Variants in SAFB2 observed in about 807,000 individuals in gnomAD.
The protein encoded by SAFB2 is scaffold attachment factor B2.
In SAFB2, 32 loss-of-function variants were observed where a neutral mutation model predicts 100.6. The ratio of observed to expected loss-of-function variants is 0.32; its 90% CI spans 0.24 to 0.43. The LOEUF (loss-of-function observed/expected upper bound fraction) is 0.43. SAFB2 is among the 20% of genes least tolerant of loss of function. The pLI, the probability that SAFB2 is intolerant of heterozygous loss-of-function variation, is 1.00. For synonymous variants in SAFB2, 500 were observed against 439.4 expected, an observed-to-expected ratio of 1.14 and a Z score of -1.72; for missense variants, 1,185 against 1,163.4, an observed-to-expected ratio of 1.02 and a Z score of -0.27.
chr19:5,599,504 C>G lies in SAFB2; in HGVS notation c.1691-620G>C, dbSNP rs739942. Reference sequence around the variant, plus strand: ...ATTAGCCCGAGAGCTGAAGATCCAGCTTGTAATGTGCTGTACCAAATTTCA... The same window carrying G: ...ATTAGCCCGAGAGCTGAAGATCCAGGTTGTAATGTGCTGTACCAAATTTCA... On this transcript the variant is annotated intron_variant, in intron 12 of 20. Coordinates refer to ENST00000252542, the MANE Select transcript of SAFB2 (RefSeq NM_014649.3). Among the ~76,000 whole-genome samples the G allele has an allele frequency of 2.3e-3, 347 of 152,320 alleles. 1 individual carries two copies. Among genetic ancestry groups the G allele is most frequent in the Non-Finnish European group, 4.3e-3 (293 of 68,022 alleles).
In SAFB2 at chr19:5,622,597, G is replaced by C; in HGVS notation, c.119C>G (p.Ala40Gly). The change falls in exon 1 of 21, where the codon GCG becomes GGG. Residue 40 changes from alanine (A) to glycine (G), a missense_variant. By Grantham distance (60) the Ala-to-Gly change is moderately conservative (BLOSUM62 0). This residue lies in a region of SAFB2 where 351 missense variants were observed against 341.2 expected (regional missense o/e 1.03). Transcript: ENST00000252542. The part of the protein sequence containing the change: ...LSELRVIDLR[A>G]ELKKRNLDTG... Reference sequence around the variant, plus strand: ...GTCCAGGTTCCGCTTCTTCAGCTCCGCCCGCAGATCGATCACCCGCAGCTC... The same window carrying C: ...GTCCAGGTTCCGCTTCTTCAGCTCCCCCCGCAGATCGATCACCCGCAGCTC... The C allele has an allele frequency of 6.2e-7, 1 of 1,613,340 alleles. No individual in the cohort carries two copies. The highest frequency in any genetic ancestry group is 8.5e-7 in the Non-Finnish European group (1 of 1,179,790).
intron 9 of SAFB2, among the ~76,000 whole-genome samples, chr19:5,608,940 C>T (rs192769999): frequency 1.7e-3 from 263 of 151,020 alleles, no homozygotes; most frequent in Non-Finnish European, 2.9e-3. Context: ...CCCAGCTACT[C>T]GAGAAGCTAA....
rs2052280986 is a variant in SAFB2, at chr19:5,587,460, T to C, written c.2706-61A>G. The C allele has an allele frequency of 2.6e-6, 4 of 1,548,704 alleles. No homozygotes were observed. Among genetic ancestry groups the C allele is most frequent in the Admixed American group, 1.9e-5 (1 of 51,452 alleles). ...AGTGCTCAGCGTTTTCATCGTAACA[T>C]GGGTTCAGTAACGGTCCCGCAGCCT... On this transcript the variant is annotated intron_variant, in intron 20 of 20. Transcript: ENST00000252542. The surrounding 1 kb of genome is among the most constrained non-coding windows in gnomAD (Gnocchi z 4.9).
At position 5,612,521 on chromosome 19, in the gene SAFB2, G is replaced by A. The variant is rs772187703; in HGVS notation, c.634+19C>T. 15 of 1,607,820 alleles carry A rather than the reference G, an allele frequency of 9.3e-6. No individual in the cohort carries two copies. The highest frequency in any genetic ancestry group is 1.7e-4 in the Middle Eastern group (1 of 6,052). On this transcript the variant is annotated intron_variant, in intron 6 of 20. Transcript: ENST00000252542. The stretch of plus-strand genomic sequence containing the variant: ...TGAAAACTTTCAAACCATAACTGTC[G>A]TGTTTCTCTTATCAGTACCTGGCTC...
chr19:5,617,603 G>A (rs539137969), intron 2 of SAFB2, among the ~76,000 whole-genome samples: 3 of 152,088 alleles, frequency 2.0e-5, no homozygotes, highest in African/African-American at 4.8e-5. Context: ...GTTCACAACC[G>A]GGGGGAATGG....
Position 5,610,643 on chromosome 19 carries a change from T to C in SAFB2, c.1191A>G (p.Glu397=), listed in dbSNP as rs200385390. ...EKDIKPIIKD[E]KGRVGSGSGR... Reference sequence around the variant, plus strand: ...CCACGTTAAATTAAATCATACCTTTTTCATCTTTAATGATTGGCTTTATAT... The same window carrying C: ...CCACGTTAAATTAAATCATACCTTTCTCATCTTTAATGATTGGCTTTATAT... Residue 397 remains glutamate, a synonymous_variant, in exon 8 of 21, where the codon GAA becomes GAG. Coordinates refer to ENST00000252542, the MANE Select transcript of SAFB2 (RefSeq NM_014649.3). 428 of 1,570,474 alleles carry C rather than the reference T, an allele frequency of 2.7e-4. 8 individuals carry two copies. The South Asian group carries it at 4.5e-3, about 17-fold the overall frequency.
rs746156465 is a variant in SAFB2 at position 5,595,346 on chromosome 19, C to T, written c.1919+15G>A. The T allele has an allele frequency of 8.1e-6, 13 of 1,606,402 alleles. No homozygotes were observed. The South Asian group carries it at 8.8e-5, about 11-fold the overall frequency. ...AGGAAACCACCAGCCCACAGCCTCACCCAGCTCCACTCACCGCCGCCTCTC... is the reference window on the plus strand; with the variant it reads ...AGGAAACCACCAGCCCACAGCCTCATCCAGCTCCACTCACCGCCGCCTCTC... On this transcript the variant is annotated intron_variant, in intron 14 of 20. Coordinates refer to ENST00000252542, the MANE Select transcript of SAFB2 (RefSeq NM_014649.3).
At chr19:5,614,159 TC>T (rs1321555478) in intron 4 of SAFB2, among the ~76,000 whole-genome samples, 5 of 152,108 alleles carry the variant, frequency 3.3e-5, no homozygotes. Context: ...TTTCACCATG[TC>T]CAGGCTGGTC....
At chr19:5,601,831 AT>A (rs1314349985) in intron 11 of SAFB2, among the ~76,000 whole-genome samples, 1 of 152,230 alleles carries the variant, frequency 6.6e-6, no homozygotes, top group South Asian at 2.1e-4. Flanking sequence ...TTCTGTGTTT[AT>A]TCATCTGCTT....
At position 5,587,177 on chromosome 19, in the gene SAFB2, G is replaced by C. The variant is rs961424957; in HGVS notation, c.*66C>G. 2 of 1,583,122 alleles carry C rather than the reference G, an allele frequency of 1.3e-6. No individual in the cohort carries two copies. Among genetic ancestry groups the C allele is most frequent in the Non-Finnish European group, 1.7e-6 (2 of 1,157,604 alleles). On this transcript the variant is annotated 3_prime_UTR_variant, in exon 21 of 21. Coordinates refer to ENST00000252542, the MANE Select transcript of SAFB2 (RefSeq NM_014649.3). The surrounding 1 kb of genome is among the most constrained non-coding windows in gnomAD (Gnocchi z 4.9). ...GCTTTTAAAAAGATCCCCCAAGTTCGAGGGAACCCTGGCTACCAGATTCAA... is the reference window on the plus strand; with the variant it reads ...GCTTTTAAAAAGATCCCCCAAGTTCCAGGGAACCCTGGCTACCAGATTCAA...
intron 17 of SAFB2, chr19:5,591,245 G>A (rs918917405): frequency 1.1e-4 from 16 of 150,758 alleles, no homozygotes; most frequent in African/African-American, 3.9e-4. Context: ...AGAAACTTGA[G>A]CATTACAAAA....
chr19:5,587,534 A>G lies in SAFB2; in HGVS notation c.2706-135T>C, dbSNP rs2145308176. On this transcript the variant is annotated intron_variant, in intron 20 of 20. Transcript: ENST00000252542. The surrounding 1 kb of genome is among the most constrained non-coding windows in gnomAD (Gnocchi z 4.9). ...CAGGTGAGAAAAATCATCATCGCAC[A>G]TTGTATTCCAGGTAACTCAAGAGCG... The G allele has an allele frequency of 6.8e-7, 1 of 1,470,474 alleles. No homozygotes were observed. The highest frequency in any genetic ancestry group is 9.0e-7 in the Non-Finnish European group (1 of 1,105,130). The allele number at this position is 1,470,474 out of a possible 1,614,324, so 91.1% of individuals were successfully genotyped here.
intron 9 of SAFB2, among the ~76,000 whole-genome samples, chr19:5,609,051 C>CAAAAAAAAAAAAAAAAAAAA (rs60419324): frequency 8.3e-5 from 6 of 72,694 alleles, no homozygotes; most frequent in South Asian, 5.7e-4. Flanking sequence ...GACGCAGTCT[C>CAAAAAAAAAAAAAAAAAAAA]AAAAAAAAAA....
rs769071549 is a variant in SAFB2, at chr19:5,590,322, G to C, written c.2481C>G (p.Ser827=). 1 of 1,608,782 alleles carries C rather than the reference G, an allele frequency of 6.2e-7. No individual in the cohort carries two copies. The highest frequency in any genetic ancestry group is 1.3e-5 in the African/African-American group (1 of 74,864). The stretch of plus-strand genomic sequence containing the variant: ...CCCGGCCTTCACTCAGCCTCTTGTC[G>C]GAGCCGTAGCCCCCCCAGCCATCAC... ...DSRDGWGGYG[S]DKRLSEGRGL... Residue 827 remains serine (S), a synonymous_variant, in exon 18 of 21, where the codon TCC becomes TCG. Coordinates refer to ENST00000252542, the MANE Select transcript of SAFB2 (RefSeq NM_014649.3).
chr19:5,592,639 G>A (rs1265431185), intron 16 of SAFB2, 108 bp downstream of exon 16: 29 of 1,271,348 alleles, frequency 2.3e-5, no homozygotes, highest in African/African-American at 3.0e-5. Flanking sequence ...AGAAGTAAAC[G>A]AGGCTTCAGA....
intron 9 of SAFB2, among the ~76,000 whole-genome samples, chr19:5,606,012 C>T (rs117388146): frequency 6.6e-6 from 1 of 152,294 alleles, no homozygotes; most frequent in East Asian, 1.9e-4. Flanking sequence ...GAGGCTGGGA[C>T]AGCACCACCC....
Position 5,611,384 on chromosome 19 carries a change from C to G in SAFB2, c.881G>C (p.Arg294Thr), listed in dbSNP as rs1243829464. 1 of 354,150 alleles carries G rather than the reference C, an allele frequency of 2.8e-6. No homozygotes were observed. Among genetic ancestry groups the G allele is most frequent in the African/African-American group, 9.0e-5 (1 of 11,084 alleles). 21.9% of individuals were successfully genotyped at this position (354,150 alleles called of 1,614,324 possible). A position where few individuals can be genotyped will look rare whatever the true frequency, so the allele number is the denominator to read the frequency against. ...KADSLLAVVKREPAEQPGDGE... is the reference protein window; with the variant it reads ...KADSLLAVVKTEPAEQPGDGE... ...ATCGCCTGGCTGCTCCGCGGGCTCC[C>G]TTTTCACTACCGCTAACAGGCTGTC... The change falls in exon 7 of 21, where the codon AGG becomes ACG. Residue 294 changes from arginine (R) to threonine (T), a missense_variant. Around this residue, in one of 3 missense-constraint regions of SAFB2, gnomAD observed 351 missense variants for 341.2 expected, o/e 1.03. Coordinates refer to ENST00000252542, the MANE Select transcript of SAFB2 (RefSeq NM_014649.3).
rs1195235680 is a variant in SAFB2, at chr19:5,622,763, G to C, written c.-48C>G. On this transcript the variant is annotated 5_prime_UTR_variant, in exon 1 of 21. Transcript: ENST00000252542. ...CCGACTCAGTCGCACACCGCCGGCA[G>C]CTATAGCGGCTCTGAACACAAAATG... 5 of 1,549,290 alleles carry C rather than the reference G, an allele frequency of 3.2e-6. No homozygotes were observed. Among genetic ancestry groups the C allele is most frequent in the Non-Finnish European group, 4.3e-6 (5 of 1,151,484 alleles).
At chr19:5,591,010 G>A (rs1306207597) in intron 17 of SAFB2, among the ~76,000 whole-genome samples, 1 of 152,118 alleles carries the variant, frequency 6.6e-6, no homozygotes, top group Non-Finnish European at 1.5e-5. Context: ...GTGGTCTTCA[G>A]CCCCCCGTGC....
Sources: gnomAD v4.1 joint callset for allele counts (sites outside exome capture counted in the v4.1 genomes callset) on GRCh38, gnomAD v4.1.1 for gene constraint, gnomAD v4.1.1 regional missense constraint, Gnocchi (gnomAD v3.1) non-coding constraint, MANE v1.5 for transcripts, NCBI Gene and HGNC (gene_info 2026-07-23, HGNC 2026-07-21) for gene names.